DLG5: variants seen among roughly 807,000 people sequenced by gnomAD.
DLG5 encodes disks large homolog 5.
In DLG5, 48 loss-of-function variants were observed where a neutral mutation model predicts 189.8. The ratio of observed to expected loss-of-function variants is 0.25; its 90% CI spans 0.20 to 0.32. The LOEUF (loss-of-function observed/expected upper bound fraction) is 0.32. Ranked by LOEUF, DLG5 falls within the 10% of genes least tolerant of loss-of-function variation. The pLI is 1.00. For missense variants in DLG5, 2,160 were observed against 2,544.7 expected (o/e 0.85, Z 3.25); for synonymous variants, 1,016 against 1,054.1 (o/e 0.96, Z 0.70).
At chr10:77,834,149 T>TC (rs1477799759) in intron 8 of DLG5, 110 bp from the exon 9 acceptor site, 5 of 1,392,076 alleles carry the variant, frequency 3.6e-6, no homozygotes, top group Non-Finnish European at 4.8e-6. Context: ...CCGGCACCTA[T>TC]CCCATCCCCA....
In DLG5 at chr10:77,821,939, T is replaced by C. The variant is rs373628140; in HGVS notation, c.2545A>G (p.Thr849Ala). The C allele has an allele frequency of 7.0e-5, 113 of 1,614,124 alleles. No homozygotes were observed. Among genetic ancestry groups the C allele is most frequent in the Non-Finnish European group, 9.4e-5 (111 of 1,180,048 alleles). The change falls in exon 15 of 32, where the codon ACG (threonine) becomes GCG (alanine). Residue 849 changes from threonine to alanine, a missense_variant. Physicochemically the swap from Thr to Ala is moderately conservative, Grantham distance 58. This residue lies in a region of DLG5 where 754 missense variants were observed against 746.5 expected (regional missense o/e 1.01). Transcript: ENST00000372391. ...TCCTTCCTGTCTTCCAGCCTGTCCG[T>C]GTAGAAGATGTCTGTCTGCGTGGAG... ...NNSTQTDIFY[T>A]DRLEDRKEPG...
chr10:77,923,576 T>C (rs925597347), intron 1 of DLG5, among the ~76,000 whole-genome samples: 1 of 152,042 alleles, frequency 6.6e-6, no homozygotes, highest in Non-Finnish European at 1.5e-5. Flanking sequence ...CTAGACAACA[T>C]GGAGAAATGC....
At chr10:77,859,740 A>G (rs1216406239) in intron 2 of DLG5, among the ~76,000 whole-genome samples, 1 of 152,260 alleles carries the variant, frequency 6.6e-6, no homozygotes, top group Non-Finnish European at 1.5e-5. Flanking sequence ...TAAGCAACAC[A>G]GACTGTGTTT....
intron 8 of DLG5, among the ~76,000 whole-genome samples, chr10:77,835,409 C>A (rs1034235328): frequency 6.6e-6 from 1 of 152,198 alleles, no homozygotes; most frequent in South Asian, 2.1e-4. Context: ...GTGAATACTG[C>A]TGAAAGGACA....
At chr10:77,905,136 A>C (rs1846036949) in intron 1 of DLG5, among the ~76,000 whole-genome samples, 1 of 151,176 alleles carries the variant, frequency 6.6e-6, no homozygotes, top group South Asian at 2.1e-4. Context: ...TCTCAAAAAA[A>C]AAAAAAAAAC....
intron 1 of DLG5, among the ~76,000 whole-genome samples, chr10:77,872,236 C>T (rs923787855): frequency 2.6e-5 from 4 of 152,200 alleles, no homozygotes; most frequent in African/African-American, 9.7e-5. Flanking sequence ...ATCAGCAGTG[C>T]CCCTTCTTCC....
At chr10:77,915,974 G>A (rs1268465426) in intron 1 of DLG5, among the ~76,000 whole-genome samples, 1 of 152,084 alleles carries the variant, frequency 6.6e-6, no homozygotes, top group African/African-American at 2.4e-5. Flanking sequence ...GGACAGGTGT[G>A]GTGGCTTATT....
intron 1 of DLG5, among the ~76,000 whole-genome samples, chr10:77,872,171 C>T (rs550466150): frequency 1.3e-5 from 2 of 152,332 alleles, no homozygotes; most frequent in African/African-American, 4.8e-5. Flanking sequence ...ACGACACTGG[C>T]AGCCTGCGCT....
At chr10:77,904,399 T>G (rs1172881409) in intron 1 of DLG5, among the ~76,000 whole-genome samples, 1 of 152,090 alleles carries the variant, frequency 6.6e-6, no homozygotes, top group Non-Finnish European at 1.5e-5. Flanking sequence ...TTTGGGGGAC[T>G]GTTGGGAGGG....
chr10:77,865,068 G>A (rs1209005096), intron 2 of DLG5, among the ~76,000 whole-genome samples: 1 of 152,190 alleles, frequency 6.6e-6, no homozygotes, highest in East Asian at 1.9e-4. Flanking sequence ...AGCTTTCTGT[G>A]ATTCCCCTCA....
In DLG5 at chr10:77,869,438, T is replaced by C. The variant is rs1271085758; in HGVS notation, c.305-241A>G. On this transcript the variant is annotated intron_variant, in intron 1 of 31. Coordinates refer to ENST00000372391, the MANE Select transcript of DLG5 (RefSeq NM_004747.4). Reference sequence around the variant, plus strand: ...TCTGGGCAGGCGGGCAGAGGGGAACTTGGAGTCAGTCAGCTGGCTTCTTGT... The same window carrying C: ...TCTGGGCAGGCGGGCAGAGGGGAACCTGGAGTCAGTCAGCTGGCTTCTTGT... 8.1e-5 allele frequency: 40 copies of C among 493,664 alleles called. 2 individuals are homozygous for C. Among genetic ancestry groups the C allele is most frequent in the South Asian group, 5.9e-4 (24 of 40,350 alleles). The allele number at this position is 493,664 out of a possible 1,614,324, so 30.6% of individuals were successfully genotyped here. A position where few individuals can be genotyped will look rare whatever the true frequency, so the allele number is the denominator to read the frequency against.
intron 23 of DLG5, 81 bp from the exon 24 acceptor site, chr10:77,809,811 C>A: frequency 6.8e-7 from 1 of 1,470,182 alleles, no homozygotes; most frequent in Non-Finnish European, 9.2e-7. Context: ...ATGCCCTAAC[C>A]GCTTTCTGCC....
chr10:77,856,983 A>C (rs1844267433), intron 2 of DLG5, 91 bp from the exon 3 acceptor site: 1 of 1,286,716 alleles, frequency 7.8e-7, no homozygotes, highest in African/African-American at 1.5e-5. Context: ...TGTGTTAGCT[A>C]TTCGTGACCC....
intron 1 of DLG5, among the ~76,000 whole-genome samples, chr10:77,912,747 A>G (rs1425125260): frequency 6.6e-6 from 1 of 152,224 alleles, no homozygotes; most frequent in African/African-American, 2.4e-5. Context: ...TGAAGACAAG[A>G]GTACCCAGTG....
In DLG5 at chr10:77,926,040, G is replaced by C. The variant is rs897473797; in HGVS notation, c.304+177C>G. On this transcript the variant is annotated intron_variant, in intron 1 of 31. Transcript: ENST00000372391. The surrounding 1 kb of genome is among the most constrained non-coding windows in gnomAD (Gnocchi z 5.2). ...TGTTCACAGCGAACGGCGGGACTGG[G>C]GGAGGCGGCGGGACTTCGGGATCCG... Among the ~76,000 whole-genome samples, 2 of 152,160 alleles carry C rather than the reference G, an allele frequency of 1.3e-5. No homozygotes were observed. Among genetic ancestry groups the C allele is most frequent in the African/African-American group, 2.4e-5 (1 of 41,446 alleles).
At chr10:77,903,630 CAAA>C (rs574454210) in intron 1 of DLG5, among the ~76,000 whole-genome samples, 13 of 58,744 alleles carry the variant, frequency 2.2e-4, no homozygotes, top group Admixed American at 6.1e-4. Flanking sequence ...AACTCCATCT[CAAA>C]AAAAAAAAAA....
chr10:77,805,571 G>C (rs1841425738), intron 27 of DLG5, 94 bp downstream of exon 27: 2 of 1,390,310 alleles, frequency 1.4e-6, no homozygotes, highest in Non-Finnish European at 9.8e-7. Context: ...AGCAAAGTAA[G>C]ACTCTCTTTT....
At chr10:77,911,448 G>A (rs995893890) in intron 1 of DLG5, among the ~76,000 whole-genome samples, 1 of 152,136 alleles carries the variant, frequency 6.6e-6, no homozygotes, top group Admixed American at 6.6e-5. Context: ...TACTTCTTAC[G>A]TTAAAATATG....
At chr10:77,889,755 A>G (rs1845552316) in intron 1 of DLG5, among the ~76,000 whole-genome samples, 2 of 152,222 alleles carry the variant, frequency 1.3e-5, no homozygotes, top group Non-Finnish European at 2.9e-5. Flanking sequence ...GGAGGGCAAG[A>G]AAAGAAAAGG....
Sources: allele counts gnomAD v4.1 joint callset (sites outside exome capture counted in the v4.1 genomes callset), GRCh38; gene constraint gnomAD v4.1.1; regional missense constraint gnomAD v4.1.1; non-coding constraint Gnocchi (gnomAD v3.1); transcripts MANE v1.5; gene names NCBI Gene and HGNC (gene_info 2026-07-23, HGNC 2026-07-21).